The following COL24A1 variants were observed in gnomAD, a reference collection of about 807,000 sequenced individuals.
COL24A1 encodes collagen type XXIV alpha 1 chain.
A neutral mutation model predicts 253.9 loss-of-function variants in COL24A1; 224 were observed. The observed-to-expected ratio is 0.88, with a 90% CI of 0.79 to 0.99. The LOEUF is 0.99. Among genes scored for constraint, COL24A1 ranks in the 50% least tolerant of loss-of-function variants. COL24A1 has a pLI of 0.00. For missense variants in COL24A1, 2,131 were observed against 2,068.5 expected (o/e 1.03, Z -0.59); for synonymous variants, 685 against 673.7 (o/e 1.02, Z -0.26).
intron 19 of COL24A1, among the ~76,000 whole-genome samples, chr1:86,013,240 T>C (rs956274974): frequency 6.6e-6 from 1 of 152,182 alleles, no homozygotes; most frequent in African/African-American, 2.4e-5. Flanking sequence ...AAAGCTATCA[T>C]AGAAGTATAT....
chr1:86,046,904 G>T (rs1311905842), intron 11 of COL24A1, 35 bp from the exon 12 acceptor site: 1 of 1,134,068 alleles, frequency 8.8e-7, no homozygotes, highest in South Asian at 1.2e-5. Flanking sequence ...AATATTTGTT[G>T]AATGAATGAA....
chr1:86,046,440 G>A (rs760725129), intron 12 of COL24A1, among the ~76,000 whole-genome samples: 42 of 152,022 alleles, frequency 2.8e-4, no homozygotes, highest in Non-Finnish European at 4.9e-4. Flanking sequence ...AACAGCTGAA[G>A]CACGCATTTT....
intron 37 of COL24A1, among the ~76,000 whole-genome samples, chr1:85,865,735 T>A (rs887184766): frequency 5.3e-5 from 8 of 152,146 alleles, no homozygotes; most frequent in African/African-American, 1.9e-4. Context: ...TACTAAAGTA[T>A]GAATAACTGT....
intron 53 of COL24A1, among the ~76,000 whole-genome samples, chr1:85,771,043 C>A (rs369879807): frequency 6.6e-6 from 1 of 152,136 alleles, no homozygotes; most frequent in African/African-American, 2.4e-5. Flanking sequence ...AAGTGATTGG[C>A]GGGTTCTTAA....
intron 47 of COL24A1, among the ~76,000 whole-genome samples, chr1:85,799,387 A>G (rs1021562432): frequency 2.8e-4 from 6 of 21,266 alleles, no homozygotes; most frequent in East Asian, 2.3e-3. Context: ...ACTAAAAAAA[A>G]AAAAAAAAAA....
rs765308470 is a variant in COL24A1, at chr1:85,786,449, C to T, written c.3964G>A (p.Gly1322Ser). The T allele has an allele frequency of 4.6e-5, 74 of 1,613,194 alleles. No homozygotes were observed. Among genetic ancestry groups the T allele is most frequent in the East Asian group, 2.0e-4 (9 of 44,854 alleles). Residue 1322 changes from glycine to serine, a missense_variant, in exon 48 of 60, where the codon GGC becomes AGC. Gly to Ser is a moderately conservative substitution (Grantham distance 56). Coordinates refer to ENST00000370571, the MANE Select transcript of COL24A1 (RefSeq NM_152890.7). ...CCAGCAAGACCTGTTCTTCCTGGGC[C>T]GCCTCTGATGCCCTAAATAACACAG... ...GKQGLPGIRG[G>S]PGRTGLAGAP...
At chr1:85,943,644 G>T (rs1688962350) in intron 24 of COL24A1, among the ~76,000 whole-genome samples, 1 of 152,202 alleles carries the variant, frequency 6.6e-6, no homozygotes. Flanking sequence ...CAACAGTTGA[G>T]CAATAATGAG....
At chr1:85,860,608 G>A (rs1475729145) in intron 37 of COL24A1, among the ~76,000 whole-genome samples, 1 of 152,178 alleles carries the variant, frequency 6.6e-6, no homozygotes, top group Non-Finnish European at 1.5e-5. Flanking sequence ...AGGCGTGGTG[G>A]TGGGTGCCTG....
chr1:85,959,862 G>C (rs567477919), intron 24 of COL24A1, among the ~76,000 whole-genome samples: 1 of 152,002 alleles, frequency 6.6e-6, no homozygotes, highest in East Asian at 1.9e-4. Flanking sequence ...TTTTAACTTC[G>C]GATGCCAACT....
At chr1:86,123,190 T>C (rs1647654509) in intron 3 of COL24A1, among the ~76,000 whole-genome samples, 1 of 151,936 alleles carries the variant, frequency 6.6e-6, no homozygotes, top group Non-Finnish European at 1.5e-5. Flanking sequence ...ATAGCTATTA[T>C]GCTATCATAA....
At chr1:86,151,249 CACAA>C (rs758143389) in intron 1 of COL24A1, among the ~76,000 whole-genome samples, 17 of 152,026 alleles carry the variant, frequency 1.1e-4, no homozygotes, top group South Asian at 2.1e-4. Flanking sequence ...AGTTTACTCC[CACAA>C]ACAGTCTAGT....
intron 19 of COL24A1, among the ~76,000 whole-genome samples, chr1:85,997,813 T>G (rs1466025581): frequency 6.7e-6 from 1 of 150,224 alleles, no homozygotes; most frequent in Non-Finnish European, 1.5e-5. Flanking sequence ...TTGGCTGGAG[T>G]CTCCTAAGAA....
At chr1:85,998,828 A>G (rs1695123761) in intron 19 of COL24A1, among the ~76,000 whole-genome samples, 1 of 152,212 alleles carries the variant, frequency 6.6e-6, no homozygotes. Context: ...ATATGCAAGT[A>G]TCATCTAGCC....
At chr1:85,899,180 T>G (rs1480977630) in intron 28 of COL24A1, among the ~76,000 whole-genome samples, 2 of 152,182 alleles carry the variant, frequency 1.3e-5, no homozygotes, top group Non-Finnish European at 2.9e-5. Flanking sequence ...TGCCTAATTC[T>G]TCTCTTTTTG....
At position 86,125,540 on chromosome 1, in the gene COL24A1, C is replaced by G. The variant is rs761873475; in HGVS notation, c.796G>C (p.Glu266Gln). 3 of 1,613,310 alleles carry G rather than the reference C, an allele frequency of 1.9e-6. No homozygotes were observed. The African/African-American group carries it at 4.0e-5, about 22-fold the overall frequency. Residue 266 changes from glutamate to glutamine, a missense_variant, in exon 3 of 60, where the codon GAA (glutamate) becomes CAA (glutamine). Coordinates refer to ENST00000370571, the MANE Select transcript of COL24A1 (RefSeq NM_152890.7). ...CTTLIPTKIP[E>Q]HSPPPKLFAE... ...AATAGTTTGGGCGGGGGAGAGTGTT[C>G]CGGTATCTTTGTTGGTATGAGAGTT...
At chr1:85,915,438 A>AT (rs916828053) in intron 24 of COL24A1, among the ~76,000 whole-genome samples, 3 of 151,168 alleles carry the variant, frequency 2.0e-5, no homozygotes, top group African/African-American at 4.9e-5. Context: ...AGACTGTGAG[A>AT]TTTTTTTTTA....
At chr1:85,921,279 T>A (rs1686450242) in intron 24 of COL24A1, among the ~76,000 whole-genome samples, 1 of 152,212 alleles carries the variant, frequency 6.6e-6, no homozygotes, top group African/African-American at 2.4e-5. Context: ...ACCAGGAGAT[T>A]ATATCCTGTG....
rs1361841292 is a variant in COL24A1 at position 85,944,602 on chromosome 1, T to TA, written c.2562+16646_2562+16647insT. Among the ~76,000 whole-genome samples, 21 of 152,036 alleles carry TA rather than the reference T, an allele frequency of 1.4e-4. No individual in the cohort carries two copies. In the East Asian group the frequency reaches 2.9e-3, roughly 21 times the overall value. On this transcript the variant is annotated intron_variant, in intron 24 of 59. Transcript: ENST00000370571. ...TGTGTAGAGAAGAGACTCTTTTTTT[T>TA]TTATTATTATTATACTTTAAGTTTT...
intron 37 of COL24A1, among the ~76,000 whole-genome samples, chr1:85,865,150 CT>C (rs1178554183): frequency 7.8e-6 from 1 of 128,346 alleles, no homozygotes; most frequent in African/African-American, 2.8e-5. Flanking sequence ...GAGATCTTTT[CT>C]TTTCTTGAAA....
Sources: gnomAD v4.1 joint callset for allele counts (sites outside exome capture counted in the v4.1 genomes callset) on GRCh38, gnomAD v4.1.1 for gene constraint, MANE v1.5 for transcripts, NCBI Gene and HGNC (gene_info 2026-07-23, HGNC 2026-07-21) for gene names.